The following HIPK2 variants were observed in gnomAD, a reference collection of about 807,000 sequenced individuals.
HIPK2 encodes the protein homeodomain interacting protein kinase 2.
HIPK2 carries 27 observed loss-of-function variants against 113.7 expected under a neutral mutation model. The observed-to-expected ratio is 0.24, with a 90% CI of 0.17 to 0.33. The LOEUF is 0.33. HIPK2 is among the 10% of genes least tolerant of loss of function. The probability of loss-of-function intolerance (pLI) is 1.00; values close to 1 mark genes in which losing one functional copy is unlikely to be tolerated. For synonymous variants in HIPK2, 631 were observed against 642.2 expected, an observed-to-expected ratio of 0.98 and a Z score of 0.26; for missense variants, 1,257 against 1,588.0, an observed-to-expected ratio of 0.79 and a Z score of 3.54.
chr7:139,614,308 G>A lies in HIPK2; in HGVS notation c.1968C>T (p.Ile656=), dbSNP rs750107658. The change falls in exon 8 of 15, where the codon ATC becomes ATT. Residue 656 remains isoleucine, a synonymous_variant. Coordinates refer to ENST00000406875, the MANE Select transcript of HIPK2 (RefSeq NM_022740.5). ...ARPDPFQQAL[I]VCPPGFQGLQ... ...TACCTTGGAAGCCGGGGGGACACAC[G>A]ATGAGAGCTTGCTGGAACGGGTCAG... The A allele has an allele frequency of 5.2e-6, 8 of 1,537,568 alleles. No homozygotes were observed. Among genetic ancestry groups the A allele is most frequent in the Non-Finnish European group, 7.1e-6 (8 of 1,130,990 alleles).
intron 2 of HIPK2, among the ~76,000 whole-genome samples, chr7:139,706,071 C>T (rs768513127): frequency 6.6e-5 from 10 of 152,224 alleles, no homozygotes; most frequent in Non-Finnish European, 1.3e-4. Flanking sequence ...CAAGGTGACT[C>T]AGCCAGGTCT....
intron 7 of HIPK2, among the ~76,000 whole-genome samples, chr7:139,615,683 GA>G (rs1488014127): frequency 1.3e-5 from 2 of 152,210 alleles, no homozygotes; most frequent in Non-Finnish European, 2.9e-5. Context: ...AAACCACGAA[GA>G]TATCTTGGAC....
chr7:139,600,183 C>A (rs1474283363), intron 11 of HIPK2, among the ~76,000 whole-genome samples: 23 of 152,090 alleles, frequency 1.5e-4, no homozygotes, highest in Non-Finnish European at 7.4e-5. Flanking sequence ...CTGCAAGATT[C>A]CATTGCATCC....
intron 2 of HIPK2, among the ~76,000 whole-genome samples, chr7:139,677,844 A>G (rs1374108442): frequency 6.6e-6 from 1 of 152,218 alleles, no homozygotes; most frequent in African/African-American, 2.4e-5. Flanking sequence ...CAACAGTGTG[A>G]AAGTGTTCCT....
intron 1 of HIPK2, among the ~76,000 whole-genome samples, chr7:139,746,471 A>G (rs1277884497): frequency 1.3e-5 from 2 of 152,160 alleles, no homozygotes; most frequent in East Asian, 3.8e-4. Context: ...GAGTGCTTGG[A>G]AAAGACAGCG....
At chr7:139,635,293 G>A (rs954198363) in intron 2 of HIPK2, among the ~76,000 whole-genome samples, 2 of 152,184 alleles carry the variant, frequency 1.3e-5, no homozygotes, top group South Asian at 2.1e-4. Context: ...TAAGTCTTAG[G>A]AAGGCCGGTC....
In HIPK2 at chr7:139,716,764, C is replaced by T. The variant is rs536171726; in HGVS notation, c.271G>A (p.Gly91Arg). The T allele has an allele frequency of 1.9e-5, 30 of 1,613,852 alleles. No individual in the cohort carries two copies. Among genetic ancestry groups the T allele is most frequent in the Admixed American group, 8.3e-5 (5 of 59,998 alleles). The part of the protein sequence containing the change: ...EQTIVFPGST[G>R]HIVVTSASST... ...CTTGCTGAGGTGACCACGATGTGCCCGGTGCTTCCTGGGAAGACGATGGTC... is the reference window on the plus strand; with the variant it reads ...CTTGCTGAGGTGACCACGATGTGCCTGGTGCTTCCTGGGAAGACGATGGTC... Residue 91 changes from glycine (G) to arginine (R), a missense_variant, in exon 2 of 15, where the codon GGG becomes AGG. By Grantham distance (125) the Gly-to-Arg change is moderately radical. Around this residue, in one of 5 missense-constraint regions of HIPK2, gnomAD observed 209 missense variants for 237.8 expected, o/e 0.88. Coordinates refer to ENST00000406875, the MANE Select transcript of HIPK2 (RefSeq NM_022740.5). This position sits in a 1 kb window ranked among gnomAD's most constrained non-coding sequence, Gnocchi z 9.3.
intron 7 of HIPK2, 134 bp downstream of exon 7, chr7:139,620,267 G>T: frequency 7.8e-7 from 1 of 1,278,880 alleles, no homozygotes; most frequent in Non-Finnish European, 1.1e-6. Flanking sequence ...AATAACCTTG[G>T]ATGCAAATAC....
Position 139,631,390 on chromosome 7 carries a change from A to T in HIPK2, c.1228-106T>A. ...GAAAAATGAAAATGACAATTTTTGTAGGGAAAGAAGTTAACAAAAAAGAGA... is the reference window on the plus strand; with the variant it reads ...GAAAAATGAAAATGACAATTTTTGTTGGGAAAGAAGTTAACAAAAAAGAGA... On this transcript the variant is annotated intron_variant, in intron 3 of 14. Transcript: ENST00000406875. The surrounding 1 kb of genome is among the most constrained non-coding windows in gnomAD (Gnocchi z 4.9). 1 of 1,462,568 alleles carries T rather than the reference A, an allele frequency of 6.8e-7. No homozygotes were observed. Among genetic ancestry groups the T allele is most frequent in the Non-Finnish European group, 9.1e-7 (1 of 1,098,392 alleles). The allele number at this position is 1,462,568 out of a possible 1,614,324, so 90.6% of individuals were successfully genotyped here. A position where few individuals can be genotyped will look rare whatever the true frequency, so the allele number is the denominator to read the frequency against.
chr7:139,759,512 G>T (rs543805569), intron 1 of HIPK2, among the ~76,000 whole-genome samples: 1 of 152,298 alleles, frequency 6.6e-6, no homozygotes, highest in South Asian at 2.1e-4. Context: ...GATTTGAAAA[G>T]ACAGAGGATT....
chr7:139,665,389 CTTCT>C (rs1164645633), intron 2 of HIPK2, among the ~76,000 whole-genome samples: 5 of 152,220 alleles, frequency 3.3e-5, no homozygotes, highest in Non-Finnish European at 7.3e-5. Flanking sequence ...CCCAACCCTT[CTTCT>C]TTTTTATCTC....
intron 2 of HIPK2, among the ~76,000 whole-genome samples, chr7:139,663,772 C>T (rs1200264540): frequency 6.6e-6 from 1 of 152,232 alleles, no homozygotes; most frequent in Non-Finnish European, 1.5e-5. Flanking sequence ...TTAGCACTCT[C>T]CACAGTGCTG....
chr7:139,620,665 T>G, intron 6 of HIPK2, 102 bp from the exon 7 acceptor site: 7 of 1,411,178 alleles, frequency 5.0e-6, no homozygotes, highest in Non-Finnish European at 6.8e-6. Context: ...GAAGGGTTAA[T>G]TCAGTAAACA....
chr7:139,683,205 T>C lies in HIPK2; in HGVS notation c.1103+32727A>G, dbSNP rs1649175934. Among the ~76,000 whole-genome samples, 1 of 152,204 alleles carries C rather than the reference T, an allele frequency of 6.6e-6. No individual in the cohort carries two copies. Among genetic ancestry groups the C allele is most frequent in the Non-Finnish European group, 1.5e-5 (1 of 68,044 alleles). ...GTGACCTGCTTCATGCTTAACTATA[T>C]AACACGCGTGCCACACACGAGGATA... On this transcript the variant is annotated intron_variant, in intron 2 of 14. Coordinates refer to ENST00000406875, the MANE Select transcript of HIPK2 (RefSeq NM_022740.5). The surrounding 1 kb of genome is among the most constrained non-coding windows in gnomAD (Gnocchi z 4.2).
At chr7:139,733,233 A>C (rs1247750541) in intron 1 of HIPK2, among the ~76,000 whole-genome samples, 1 of 152,086 alleles carries the variant, frequency 6.6e-6, no homozygotes, top group Non-Finnish European at 1.5e-5. Flanking sequence ...TTTCTTTATA[A>C]ATTACCCAGA....
chr7:139,584,024 T>A lies in HIPK2; in HGVS notation c.2758A>T (p.Thr920Ser), dbSNP rs1192284314. 1.2e-5 allele frequency: 20 copies of A among 1,608,360 alleles called. No homozygotes were observed. The highest frequency in any genetic ancestry group is 2.7e-5 in the African/African-American group (2 of 74,738). ...TCGGAGTAGGGGGAGTCGTGGACTG[T>A]GACACAGCTGATGACGTTTTTTCTT... ...KQRKNVISCVTVHDSPYSDSS... is the reference protein window; with the variant it reads ...KQRKNVISCVSVHDSPYSDSS... The change falls in exon 13 of 15, where the codon ACA becomes TCA. Residue 920 changes from threonine to serine, a missense_variant. By Grantham distance (58) the Thr-to-Ser change is moderately conservative. Coordinates refer to ENST00000406875, the MANE Select transcript of HIPK2 (RefSeq NM_022740.5).
chr7:139,770,592 T>A (rs1179243471), intron 1 of HIPK2, among the ~76,000 whole-genome samples: 1 of 152,228 alleles, frequency 6.6e-6, no homozygotes, highest in African/African-American at 2.4e-5. Context: ...GCTTTCGTAG[T>A]CAATGTCATG....
At position 139,716,758 on chromosome 7, in the gene HIPK2, T is replaced by C; in HGVS notation, c.277A>G (p.Ile93Val). ...GTGCTGCTTGCTGAGGTGACCACGA[T>C]GTGCCCGGTGCTTCCTGGGAAGACG... ...TIVFPGSTGH[I>V]VVTSASSTSV... is the part of the protein sequence containing the mutation. The change falls in exon 2 of 15, where the codon ATC (isoleucine) becomes GTC (valine). Residue 93 changes from isoleucine to valine, a missense_variant. Physicochemically the swap from Ile to Val is conservative, Grantham distance 29. Around this residue, in one of 5 missense-constraint regions of HIPK2, gnomAD observed 209 missense variants for 237.8 expected, o/e 0.88. Transcript: ENST00000406875. This position sits in a 1 kb window ranked among gnomAD's most constrained non-coding sequence, Gnocchi z 9.3. 6.2e-7 allele frequency: 1 copy of C among 1,613,976 alleles called. No individual in the cohort carries two copies. The highest frequency in any genetic ancestry group is 8.5e-7 in the Non-Finnish European group (1 of 1,179,882).
chr7:139,571,706 C>T lies in HIPK2; in HGVS notation c.*1221G>A, dbSNP rs1017046952. The stretch of plus-strand genomic sequence containing the variant: ...AGCGTAAACTGTTACAACAGCACAA[C>T]AGAAGAGCTGAGATTGTGTCTGACT... On this transcript the variant is annotated 3_prime_UTR_variant, in exon 15 of 15. Coordinates refer to ENST00000406875, the MANE Select transcript of HIPK2 (RefSeq NM_022740.5). The T allele has an allele frequency of 2.0e-5, 3 of 152,008 alleles. No individual in the cohort carries two copies. Among genetic ancestry groups the T allele is most frequent in the Non-Finnish European group, 4.4e-5 (3 of 67,998 alleles). 9.4% of individuals were successfully genotyped at this position (152,008 alleles called of 1,614,324 possible).
Sources: gnomAD v4.1 joint callset for allele counts (sites outside exome capture counted in the v4.1 genomes callset) on GRCh38, gnomAD v4.1.1 for gene constraint, gnomAD v4.1.1 regional missense constraint, Gnocchi (gnomAD v3.1) non-coding constraint, MANE v1.5 for transcripts, NCBI Gene and HGNC (gene_info 2026-07-23, HGNC 2026-07-21) for gene names.